The following ZBTB40 variants were observed in gnomAD, a reference collection of about 807,000 sequenced individuals.
The protein encoded by ZBTB40 is zinc finger and BTB domain containing 40.
A neutral mutation model predicts 117.5 loss-of-function variants in ZBTB40; 60 were observed. That is an observed-to-expected ratio of 0.51 (90% CI 0.41 to 0.63). The LOEUF (loss-of-function observed/expected upper bound fraction) is 0.63, where lower values mean the gene tolerates loss of function less well. Ranked by LOEUF, ZBTB40 falls within the 30% of genes least tolerant of loss-of-function variation. ZBTB40 has a pLI of 0.00. For missense variants in ZBTB40, 1,287 were observed against 1,498.5 expected (o/e 0.86, Z 2.33); for synonymous variants, 525 against 577.1 (o/e 0.91, Z 1.29).
intron 17 of ZBTB40, among the ~76,000 whole-genome samples, chr1:22,525,745 C>A (rs1335380591): frequency 3.3e-5 from 5 of 152,244 alleles, no homozygotes; most frequent in Non-Finnish European, 5.9e-5. Context: ...CCTGGGAAGG[C>A]TGTGAGCCTG....
intron 1 of ZBTB40, among the ~76,000 whole-genome samples, chr1:22,432,578 G>C (rs1237744588): frequency 6.6e-6 from 1 of 152,220 alleles, no homozygotes; most frequent in Non-Finnish European, 1.5e-5. Context: ...ACATTGGATA[G>C]TAAAGTTATA....
chr1:22,430,564 C>T (rs182840547), intron 1 of ZBTB40, among the ~76,000 whole-genome samples: 1 of 152,308 alleles, frequency 6.6e-6, no homozygotes, highest in Non-Finnish European at 1.5e-5. Context: ...CTCAACCTCC[C>T]TGGCTTAGTC....
intron 1 of ZBTB40, among the ~76,000 whole-genome samples, chr1:22,462,786 C>G (rs1641161420): frequency 6.6e-6 from 1 of 152,222 alleles, no homozygotes; most frequent in Non-Finnish European, 1.5e-5. Flanking sequence ...CCCACTTTCT[C>G]TCTTTCCTGG....
upstream of ZBTB40, among the ~76,000 whole-genome samples, chr1:22,448,453 CTTTT>C (rs1255846463): frequency 2.6e-5 from 4 of 152,216 alleles, no homozygotes; most frequent in South Asian, 6.2e-4. Context: ...TTTACTCTTT[CTTTT>C]GTGTTTTTCT....
At chr1:22,495,919 T>G (rs973651612) in intron 3 of ZBTB40, among the ~76,000 whole-genome samples, 1 of 152,224 alleles carries the variant, frequency 6.6e-6, no homozygotes, top group Non-Finnish European at 1.5e-5. Context: ...TTGTTTTGCC[T>G]CTTTGTGCCA....
chr1:22,464,397 C>G (rs1433472678), intron 1 of ZBTB40, among the ~76,000 whole-genome samples: 1 of 152,172 alleles, frequency 6.6e-6, no homozygotes, highest in Non-Finnish European at 1.5e-5. Flanking sequence ...CTCTTCTTCC[C>G]CTATCCAGTC....
At chr1:22,494,323 A>C (rs1638714218) in intron 3 of ZBTB40, among the ~76,000 whole-genome samples, 1 of 152,232 alleles carries the variant, frequency 6.6e-6, no homozygotes, top group Admixed American at 6.5e-5. Flanking sequence ...GTCTAGTCTG[A>C]AGCAATCACT....
chr1:22,487,576 A>G (rs923537303), intron 1 of ZBTB40, among the ~76,000 whole-genome samples: 5 of 152,022 alleles, frequency 3.3e-5, no homozygotes, highest in African/African-American at 1.2e-4. Context: ...ACATCCATTC[A>G]GTCCCTAAGT....
chr1:22,517,401 A>T lies in ZBTB40; in HGVS notation c.2770A>T (p.Arg924Ter), dbSNP rs760986278. ...CACCGGGGACAAGCCCTATGTCTGC[A>T]GAGACTGTGGCAAGGGCTTCCGGCA... The part of the protein sequence containing the change: ...THTGDKPYVC[R>*]DCGKGFRQAN... Residue 924 changes from arginine (R) to a stop codon, truncating the protein, a stop_gained, in exon 13 of 18, where the codon AGA becomes TGA. Transcript: ENST00000375647. LOFTEE classifies it high-confidence loss of function. 1.9e-6 allele frequency: 3 copies of T among 1,614,096 alleles called. No individual in the cohort carries two copies. In the African/African-American group the frequency reaches 4.0e-5, roughly 22 times the overall value.
At chr1:22,475,337 G>A (rs1641527901) in intron 1 of ZBTB40, among the ~76,000 whole-genome samples, 1 of 152,106 alleles carries the variant, frequency 6.6e-6, no homozygotes, top group African/African-American at 2.4e-5. Context: ...CTATTGTCTG[G>A]ACTCATGCTC....
chr1:22,505,237 A>G (rs1332788033), intron 5 of ZBTB40, among the ~76,000 whole-genome samples: 1 of 152,218 alleles, frequency 6.6e-6, no homozygotes, highest in Non-Finnish European at 1.5e-5. Flanking sequence ...CCCCTGCTTT[A>G]TCAGTTCCAT....
At chr1:22,454,268 A>T (rs2124379954) in intron 1 of ZBTB40, among the ~76,000 whole-genome samples, 1 of 152,262 alleles carries the variant, frequency 6.6e-6, no homozygotes, top group Middle Eastern at 3.4e-3. Context: ...CAAATATTTT[A>T]GTGTCTCCAT....
chr1:22,468,321 G>A (rs1641307280), intron 1 of ZBTB40, among the ~76,000 whole-genome samples: 1 of 151,890 alleles, frequency 6.6e-6, no homozygotes. Flanking sequence ...ATTAAATACT[G>A]TCACTGAAAA....
At chr1:22,508,200 A>G (rs28516648) in intron 7 of ZBTB40, 63 bp downstream of exon 7, 3 of 1,537,640 alleles carry the variant, frequency 2.0e-6, no homozygotes, top group African/African-American at 1.4e-5. Flanking sequence ...AAAAATATGA[A>G]TACACACACA....
intron 14 of ZBTB40, among the ~76,000 whole-genome samples, chr1:22,520,744 C>T (rs1569887580): frequency 6.6e-6 from 1 of 152,148 alleles, no homozygotes; most frequent in Non-Finnish European, 1.5e-5. Context: ...CCATATAGAA[C>T]TAAAAAGAAA....
intron 15 of ZBTB40, among the ~76,000 whole-genome samples, chr1:22,522,150 A>T (rs1639543500): frequency 6.6e-6 from 1 of 152,130 alleles, no homozygotes; most frequent in African/African-American, 2.4e-5. Context: ...ATATTTTCTC[A>T]TTTCATTCTC....
chr1:22,510,280 G>A (rs888788302), intron 9 of ZBTB40, among the ~76,000 whole-genome samples: 3 of 152,204 alleles, frequency 2.0e-5, no homozygotes, highest in African/African-American at 7.2e-5. Context: ...CTGTGCAGGT[G>A]ACAGCCACAT....
chr1:22,519,755 G>C, intron 13 of ZBTB40: 1 of 402,146 alleles, frequency 2.5e-6, no homozygotes, highest in Non-Finnish European at 4.7e-6. Context: ...AAACTCCCTG[G>C]AAAGTGATAA....
intron 1 of ZBTB40, among the ~76,000 whole-genome samples, chr1:22,483,729 G>A (rs185982031): frequency 2.2e-4 from 33 of 152,126 alleles, no homozygotes; most frequent in African/African-American, 7.5e-4. Flanking sequence ...CCCAGTCTGT[G>A]GCTTGTCTTT....
Sources: gnomAD v4.1 joint callset for allele counts (sites outside exome capture counted in the v4.1 genomes callset) on GRCh38, gnomAD v4.1.1 for gene constraint, MANE v1.5 for transcripts, NCBI Gene and HGNC (gene_info 2026-07-23, HGNC 2026-07-21) for gene names.